The following SSH2 variants were observed in gnomAD, a reference collection of about 807,000 sequenced individuals.
SSH2 encodes the protein slingshot protein phosphatase 2, also known as protein phosphatase Slingshot homolog 2.
A neutral mutation model predicts 135.2 loss-of-function variants in SSH2; 37 were observed. The ratio of observed to expected loss-of-function variants is 0.27; its 90% CI spans 0.21 to 0.36. The LOEUF is 0.36. SSH2 is among the 10% of genes least tolerant of loss of function. The pLI, the probability that SSH2 is intolerant of heterozygous loss-of-function variation, is 1.00. For synonymous variants in SSH2, 628 were observed against 646.2 expected (o/e 0.97, Z 0.43); for missense variants, 1,408 against 1,765.3 (o/e 0.80, Z 3.63).
intron 3 of SSH2, among the ~76,000 whole-genome samples, chr17:29,763,764 A>G (rs191766748): frequency 4.6e-5 from 7 of 152,328 alleles, no homozygotes; most frequent in Non-Finnish European, 1.0e-4. Context: ...AGGTTCCTAT[A>G]GCGACGCCCC....
intron 6 of SSH2, among the ~76,000 whole-genome samples, chr17:29,679,035 C>CA (rs2037852309): frequency 6.6e-6 from 1 of 152,066 alleles, no homozygotes; most frequent in Non-Finnish European, 1.5e-5. Context: ...ATTTCAATCT[C>CA]ACATTAGCCC....
At chr17:29,634,108 G>A (rs1261723497) in intron 15 of SSH2, among the ~76,000 whole-genome samples, 1 of 152,204 alleles carries the variant, frequency 6.6e-6, no homozygotes, top group Non-Finnish European at 1.5e-5. Flanking sequence ...TGGTCCAAAG[G>A]AGAGCACAAG....
In SSH2 at chr17:29,636,818, A is replaced by G. The variant is rs769878760; in HGVS notation, c.1428-16T>C. On this transcript the variant is annotated splice_polypyrimidine_tract_variant and intron_variant, in intron 14 of 15. Transcript: ENST00000540801. ...CCGCTGTTTGCTGTGGAGGACATAC[A>G]CAGGAAGTATCTTAATCTGGTTTGT... The G allele has an allele frequency of 7.8e-6, 12 of 1,546,710 alleles. No individual in the cohort carries two copies. The highest frequency in any genetic ancestry group is 9.7e-6 in the Non-Finnish European group (11 of 1,131,124).
chr17:29,670,731 G>A (rs1343186328), intron 9 of SSH2, among the ~76,000 whole-genome samples: 12 of 152,188 alleles, frequency 7.9e-5, no homozygotes, highest in Non-Finnish European at 1.6e-4. Context: ...CCAAGATCAT[G>A]CCACGGCATT....
At chr17:29,864,777 G>GA (rs2065826567) in intron 1 of SSH2, among the ~76,000 whole-genome samples, 1 of 151,894 alleles carries the variant, frequency 6.6e-6, no homozygotes, top group Admixed American at 6.6e-5. Flanking sequence ...TGAAATGAGA[G>GA]AAAAAAATCC....
intron 2 of SSH2, among the ~76,000 whole-genome samples, chr17:29,816,715 C>CA (rs1234473847): frequency 1.3e-5 from 2 of 150,322 alleles, no homozygotes; most frequent in Non-Finnish European, 3.0e-5. Flanking sequence ...AAAAAAAACT[C>CA]AAAGCCTCCA....
At chr17:29,800,578 AG>A in intron 2 of SSH2, among the ~76,000 whole-genome samples, 1 of 152,186 alleles carries the variant, frequency 6.6e-6, no homozygotes, top group African/African-American at 2.4e-5. Context: ...TTAGTTTCTT[AG>A]TGAACAGAAT....
intron 3 of SSH2, among the ~76,000 whole-genome samples, chr17:29,703,269 A>G (rs1336831581): frequency 6.6e-6 from 1 of 152,072 alleles, no homozygotes; most frequent in African/African-American, 2.4e-5. Flanking sequence ...TCTTTTTTGA[A>G]AGGGAGTCTT....
chr17:29,845,307 A>C (rs1242646257), intron 2 of SSH2, among the ~76,000 whole-genome samples: 2 of 151,854 alleles, frequency 1.3e-5, no homozygotes, highest in Non-Finnish European at 2.9e-5. Flanking sequence ...ACTGCCCCCC[A>C]CCCCACCCCC....
At chr17:29,642,931 A>T (rs2036224911) in intron 14 of SSH2, among the ~76,000 whole-genome samples, 1 of 152,228 alleles carries the variant, frequency 6.6e-6, no homozygotes, top group Non-Finnish European at 1.5e-5. Context: ...GCCACCCTGG[A>T]TAACCATGGA....
chr17:29,710,669 A>G (rs2039401015), intron 3 of SSH2, among the ~76,000 whole-genome samples: 1 of 152,208 alleles, frequency 6.6e-6, no homozygotes, highest in Non-Finnish European at 1.5e-5. Context: ...GGAATTTCAT[A>G]ATAAAAAGTT....
rs1332862933 is a variant in SSH2 at position 29,666,876 on chromosome 17, A to G, written c.1023T>C (p.His341=). 3.1e-6 allele frequency: 5 copies of G among 1,614,082 alleles called. No homozygotes were observed. The highest frequency in any genetic ancestry group is 4.5e-5 in the East Asian group (2 of 44,886). Residue 341 remains histidine (H), a synonymous_variant, in exon 11 of 16, where the codon CAT becomes CAC. Coordinates refer to ENST00000540801, the MANE Select transcript of SSH2 (RefSeq NM_001282129.2). ...QMDSPTQIFE[H]VFLGSEWNAS... ...TGGCTTTAAAACTTACCAGGAACACATGCTCAAATATCTGTGTAGGGCTAT... is the reference window on the plus strand; with the variant it reads ...TGGCTTTAAAACTTACCAGGAACACGTGCTCAAATATCTGTGTAGGGCTAT...
intron 1 of SSH2, among the ~76,000 whole-genome samples, chr17:29,880,197 C>T (rs938021558): frequency 6.6e-6 from 1 of 152,222 alleles, no homozygotes; most frequent in South Asian, 2.1e-4. Context: ...TCACAGCTCA[C>T]TGCAGGCTCG....
At position 29,626,089 on chromosome 17, in the gene SSH2, A is replaced by C; in HGVS notation, c.*4752T>G. On this transcript the variant is annotated 3_prime_UTR_variant, in exon 16 of 16. Transcript: ENST00000540801. Reference sequence around the variant, plus strand: ...AACATCCCAACCACCAGGAAGATTAAGGAAGGAGATGAGACCACTCTATAT... The same window carrying C: ...AACATCCCAACCACCAGGAAGATTACGGAAGGAGATGAGACCACTCTATAT... 6.6e-6 allele frequency: 1 copy of C among 152,668 alleles called. No individual in the cohort carries two copies. Among genetic ancestry groups the C allele is most frequent in the East Asian group, 1.9e-4 (1 of 5,200 alleles). The allele number at this position is 152,668 out of a possible 1,614,324, so 9.5% of individuals were successfully genotyped here.
intron 2 of SSH2, among the ~76,000 whole-genome samples, chr17:29,818,017 A>T (rs1248041476): frequency 1.3e-5 from 2 of 152,062 alleles, no homozygotes; most frequent in East Asian, 3.8e-4. Flanking sequence ...CAATCTTCCT[A>T]CTACAGCCTC....
At chr17:29,776,082 A>C (rs993714080) in intron 3 of SSH2, 1 of 152,312 alleles carries the variant, frequency 6.6e-6, no homozygotes, top group Non-Finnish European at 1.5e-5. Context: ...CTCAGCAAAA[A>C]GTGATAGCCC....
intron 1 of SSH2, chr17:29,863,940 G>A (rs1487882127): frequency 6.6e-6 from 1 of 152,124 alleles, no homozygotes; most frequent in African/African-American, 2.4e-5. Context: ...AAGCAACTGA[G>A]GATGCCAGCT....
chr17:29,917,085 T>A (rs181854186), intron 1 of SSH2, among the ~76,000 whole-genome samples: 1 of 148,464 alleles, frequency 6.7e-6, no homozygotes, highest in Non-Finnish European at 1.5e-5. Flanking sequence ...AGTACAGAGG[T>A]GGGAGAGCAA....
chr17:29,653,964 A>AG (rs2036685218), intron 12 of SSH2, among the ~76,000 whole-genome samples: 2 of 152,196 alleles, frequency 1.3e-5, no homozygotes, highest in African/African-American at 4.8e-5. Flanking sequence ...AGAAATCTTA[A>AG]GGAGACTCTT....
Sources: gnomAD v4.1 joint callset for allele counts (sites outside exome capture counted in the v4.1 genomes callset) on GRCh38, gnomAD v4.1.1 for gene constraint, MANE v1.5 for transcripts, NCBI Gene and HGNC (gene_info 2026-07-23, HGNC 2026-07-21) for gene names.